Variants in ADK observed in about 807,000 individuals in gnomAD.
The protein encoded by ADK is adenosine kinase.
A neutral mutation model predicts 44.7 loss-of-function variants in ADK; 24 were observed. That is an observed-to-expected ratio of 0.54 (90% CI 0.39 to 0.76). The LOEUF (loss-of-function observed/expected upper bound fraction) is 0.76. Among genes scored for constraint, ADK ranks in the 30% least tolerant of loss-of-function variants. The pLI, the probability that ADK is intolerant of heterozygous loss-of-function variation, is 0.00. For synonymous variants in ADK, 128 were observed against 142.6 expected (o/e 0.90, Z 0.73); for missense variants, 321 against 425.1 (o/e 0.76, Z 2.15).
chr10:74,277,499 C>T (rs1157303678), intron 3 of ADK, among the ~76,000 whole-genome samples: 3 of 151,838 alleles, frequency 2.0e-5, no homozygotes, highest in Non-Finnish European at 2.9e-5. Flanking sequence ...CGGGTTCACG[C>T]CATTCTCCTG....
Position 74,356,002 on chromosome 10 carries a change from A to ATTTTGTT in ADK, c.274-38135_274-38134insGTTTTTT, listed in dbSNP as rs772603788. ...TCTGAAATATTTCACTAAATAATTC[A>ATTTTGTT]TTTTTTTTTTTTTTTTTTTTTTTTT... is the stretch of plus-strand genomic sequence containing the variant. On this transcript the variant is annotated intron_variant, in intron 4 of 10. Coordinates refer to ENST00000539909, the MANE Select transcript of ADK (RefSeq NM_006721.4). 1.2e-4 allele frequency among the ~76,000 whole-genome samples: 10 copies of ATTTTGTT among 83,312 alleles called. 3 individuals are homozygous for ATTTTGTT. Among genetic ancestry groups the ATTTTGTT allele is most frequent in the African/African-American group, 5.1e-4 (10 of 19,594 alleles). 54.7% of individuals were successfully genotyped at this position (83,312 alleles called of 152,430 possible). A position where few individuals can be genotyped will look rare whatever the true frequency, so the allele number is the denominator to read the frequency against.
At position 74,554,254 on chromosome 10, in the gene ADK, CAT is replaced by C. The variant is rs565680170; in HGVS notation, c.726+28831_726+28832del. Reference sequence around the variant, plus strand: ...TTCATATATCAAAGAATATGTCTAACATATGTGTATTACAAAGTATATCCTCT... The same window carrying C: ...TTCATATATCAAAGAATATGTCTAACATGTGTATTACAAAGTATATCCTCT... On this transcript the variant is annotated intron_variant, in intron 7 of 10. Coordinates refer to ENST00000539909, the MANE Select transcript of ADK (RefSeq NM_006721.4). 4.7e-4 allele frequency among the ~76,000 whole-genome samples: 71 copies of C among 152,176 alleles called. No homozygotes were observed. In the South Asian group the frequency reaches 0.014, roughly 29 times the overall value.
intron 10 of ADK, among the ~76,000 whole-genome samples, chr10:74,686,461 T>A (rs967296010): frequency 6.6e-6 from 1 of 152,120 alleles, no homozygotes; most frequent in Non-Finnish European, 1.5e-5. Context: ...CATGCAGCAT[T>A]TGGCTAGCTT....
At chr10:74,370,770 A>T (rs1487771810) in intron 4 of ADK, among the ~76,000 whole-genome samples, 3 of 151,984 alleles carry the variant, frequency 2.0e-5, no homozygotes, top group Non-Finnish European at 4.4e-5. Context: ...AGAGATGGGG[A>T]TCATACTATG....
chr10:74,308,450 A>C (rs1428100320), intron 3 of ADK, among the ~76,000 whole-genome samples: 1 of 152,182 alleles, frequency 6.6e-6, no homozygotes, highest in Non-Finnish European at 1.5e-5. Context: ...CTGACATTTG[A>C]GTTTTTTAAA....
intron 6 of ADK, among the ~76,000 whole-genome samples, chr10:74,486,794 T>G (rs915160474): frequency 3.3e-5 from 5 of 152,178 alleles, no homozygotes; most frequent in African/African-American, 1.2e-4. Flanking sequence ...GGTGAGAATT[T>G]GACATAACAA....
rs569119941 is a variant in ADK, at chr10:74,189,882, A to C, written c.66-10882A>C. ...TTGTAGCTGGCTTTTTTTTTTAACT[A>C]AGTATGTTTTCAAAGTTCATACATG... On this transcript the variant is annotated intron_variant, in intron 1 of 10. Coordinates refer to ENST00000539909, the MANE Select transcript of ADK (RefSeq NM_006721.4). 5.3e-5 allele frequency among the ~76,000 whole-genome samples: 8 copies of C among 152,134 alleles called. No individual in the cohort carries two copies. In the East Asian group the frequency reaches 1.5e-3, roughly 29 times the overall value.
chr10:74,505,141 G>A (rs1299350014), intron 6 of ADK, among the ~76,000 whole-genome samples: 1 of 152,136 alleles, frequency 6.6e-6, no homozygotes, highest in East Asian at 1.9e-4. Context: ...GGCATACTCA[G>A]TGTAACTTTA....
intron 9 of ADK, among the ~76,000 whole-genome samples, chr10:74,648,568 C>T (rs1854136526): frequency 4.0e-5 from 6 of 151,772 alleles, no homozygotes; most frequent in Admixed American, 3.9e-4. Context: ...GTCCCTGCTA[C>T]TCGGGAGGCT....
chr10:74,644,493 A>G (rs963520571), intron 9 of ADK, among the ~76,000 whole-genome samples: 2 of 152,164 alleles, frequency 1.3e-5, no homozygotes, highest in African/African-American at 2.4e-5. Context: ...AAAACAAGCT[A>G]TTGTTCAAAC....
intron 6 of ADK, among the ~76,000 whole-genome samples, chr10:74,510,901 T>G (rs1848289999): frequency 6.6e-6 from 1 of 152,040 alleles, no homozygotes; most frequent in Non-Finnish European, 1.5e-5. Context: ...AGAGATAGGG[T>G]TTCACCATGT....
chr10:74,274,715 G>A (rs545477795), intron 3 of ADK, among the ~76,000 whole-genome samples: 1 of 73,860 alleles, frequency 1.4e-5, no homozygotes, highest in East Asian at 2.8e-4. Flanking sequence ...ATTAGTAGGA[G>A]AAAAATTTTA....
At chr10:74,655,440 T>C (rs1454839236) in intron 9 of ADK, 3 of 430,620 alleles carry the variant, frequency 7.0e-6, no homozygotes, top group South Asian at 1.9e-5. Context: ...GACGATTTCA[T>C]TGATGACCCT....
chr10:74,688,742 C>A (rs1564853178), intron 10 of ADK, among the ~76,000 whole-genome samples: 1 of 152,004 alleles, frequency 6.6e-6, no homozygotes, highest in Non-Finnish European at 1.5e-5. Context: ...TCGTGAGACC[C>A]CCATTGGTAT....
chr10:74,642,827 CTTTTT>C (rs770015945), intron 9 of ADK, among the ~76,000 whole-genome samples: 3 of 77,492 alleles, frequency 3.9e-5, no homozygotes, highest in Non-Finnish European at 8.1e-5. Context: ...ATCTTAAGTT[CTTTTT>C]TTTTTTTTTT....
intron 6 of ADK, among the ~76,000 whole-genome samples, chr10:74,479,146 G>A (rs1437926471): frequency 2.0e-5 from 3 of 151,904 alleles, no homozygotes; most frequent in Non-Finnish European, 4.4e-5. Context: ...CCACAGGCAC[G>A]TACCACCACA....
intron 4 of ADK, among the ~76,000 whole-genome samples, chr10:74,381,856 G>A (rs1381250440): frequency 6.6e-6 from 1 of 152,184 alleles, no homozygotes; most frequent in Non-Finnish European, 1.5e-5. Flanking sequence ...CGTTTTTGAT[G>A]TTGCTGCTGT....
At chr10:74,175,650 G>C (rs907601331) in intron 1 of ADK, among the ~76,000 whole-genome samples, 1 of 152,046 alleles carries the variant, frequency 6.6e-6, no homozygotes, top group African/African-American at 2.4e-5. Flanking sequence ...GTAGAACAGG[G>C]CCCAGTCGTT....
intron 6 of ADK, among the ~76,000 whole-genome samples, chr10:74,520,236 T>C (rs957293261): frequency 8.6e-5 from 13 of 152,032 alleles, no homozygotes; most frequent in Admixed American, 8.5e-4. Flanking sequence ...TAAAATCTAC[T>C]GTTTCAAATA....
Sources: allele counts gnomAD v4.1 joint callset (sites outside exome capture counted in the v4.1 genomes callset), GRCh38; gene constraint gnomAD v4.1.1; transcripts MANE v1.5; gene names NCBI Gene and HGNC (gene_info 2026-07-23, HGNC 2026-07-21).